The following CACNA1C variants were observed in gnomAD, a reference collection of about 807,000 sequenced individuals.
The protein encoded by CACNA1C is calcium voltage-gated channel subunit alpha1 C, also known as voltage-dependent L-type calcium channel subunit alpha-1C.
CACNA1C carries 30 observed loss-of-function variants against 229.0 expected under a neutral mutation model. The ratio of observed to expected loss-of-function variants is 0.13; its 90% CI spans 0.10 to 0.18. The LOEUF (loss-of-function observed/expected upper bound fraction) is 0.18, where lower values mean the gene tolerates loss of function less well. Among genes scored for constraint, CACNA1C ranks in the 10% least tolerant of loss-of-function variants. The probability of loss-of-function intolerance (pLI) is 1.00; values close to 1 mark genes in which losing one functional copy is unlikely to be tolerated. For synonymous variants in CACNA1C, 1,114 were observed against 1,132.5 expected (o/e 0.98, Z 0.33); for missense variants, 1,658 against 2,845.0 (o/e 0.58, Z 9.49).
chr12:1,981,629 T>C (rs1156757826), intron 1 of CACNA1C, among the ~76,000 whole-genome samples: 1 of 152,234 alleles, frequency 6.6e-6, no homozygotes, highest in East Asian at 1.9e-4. Flanking sequence ...GGAAGGGATA[T>C]AGCTTATTCG....
chr12:2,550,429 G>T, intron 10 of CACNA1C: 1 of 859,866 alleles, frequency 1.2e-6, no homozygotes, highest in Non-Finnish European at 1.6e-6. Context: ...GAGTCCTGCT[G>T]GCCACCCTTT....
chr12:2,085,787 C>T (rs1250006307), intron 1 of CACNA1C, among the ~76,000 whole-genome samples: 1 of 152,310 alleles, frequency 6.6e-6, no homozygotes, highest in South Asian at 2.1e-4. Context: ...GAGGCCTTTG[C>T]TAGCACCCTG....
At chr12:2,534,931 T>C (rs769370122) in intron 9 of CACNA1C, among the ~76,000 whole-genome samples, 1 of 152,250 alleles carries the variant, frequency 6.6e-6, no homozygotes, top group Non-Finnish European at 1.5e-5. Flanking sequence ...CAAAGAACTC[T>C]ATTATTGCCC....
Position 1,971,602 on chromosome 12 carries a change from T to C in CACNA1C, c.139+401T>C, listed in dbSNP as rs2032305599. On this transcript the variant is annotated intron_variant, in intron 1 of 46. Transcript: ENST00000682462. This position sits in a 1 kb window ranked among gnomAD's most constrained non-coding sequence, Gnocchi z 4.2. Reference sequence around the variant, plus strand: ...GATTATATTCAGTAGTGGTATTTTCTTTTTAAATTTCTTCAGTGGAAAAAC... The same window carrying C: ...GATTATATTCAGTAGTGGTATTTTCCTTTTAAATTTCTTCAGTGGAAAAAC... Among the ~76,000 whole-genome samples the C allele has an allele frequency of 6.6e-6, 1 of 152,244 alleles. No homozygotes were observed. Among genetic ancestry groups the C allele is most frequent in the African/African-American group, 2.4e-5 (1 of 41,462 alleles).
chr12:2,176,184 T>C (rs2154270803), intron 3 of CACNA1C, among the ~76,000 whole-genome samples: 1 of 152,064 alleles, frequency 6.6e-6, no homozygotes, highest in East Asian at 1.9e-4. Flanking sequence ...GGAGGTGACA[T>C]TTAAGCAAAC....
chr12:2,540,606 G>A (rs760465905), intron 9 of CACNA1C, among the ~76,000 whole-genome samples: 7 of 152,182 alleles, frequency 4.6e-5, no homozygotes, highest in Non-Finnish European at 8.8e-5. Context: ...GGGCACGGCA[G>A]TCCCAGGAGG....
Position 2,605,825 on chromosome 12 carries a change from T to C in CACNA1C, c.3156+39T>C, listed in dbSNP as rs757786059. ...TCCGTTGTGGTCCTCCTACCTCCCCTCCCATCAGCATTCCTGGGGAAGGGA... is the reference window on the plus strand; with the variant it reads ...TCCGTTGTGGTCCTCCTACCTCCCCCCCCATCAGCATTCCTGGGGAAGGGA... On this transcript the variant is annotated intron_variant, in intron 24 of 46. Coordinates refer to ENST00000399655, the MANE Select transcript of CACNA1C (RefSeq NM_000719.7). The surrounding 1 kb of genome is among the most constrained non-coding windows in gnomAD (Gnocchi z 6.2). The C allele has an allele frequency of 2.4e-5, 31 of 1,308,970 alleles. No individual in the cohort carries two copies. Among genetic ancestry groups the C allele is most frequent in the Non-Finnish European group, 3.3e-5 (30 of 901,836 alleles). 81.1% of individuals were successfully genotyped at this position (1,308,970 alleles called of 1,614,324 possible). A position where few individuals can be genotyped will look rare whatever the true frequency, so the allele number is the denominator to read the frequency against.
intron 3 of CACNA1C, among the ~76,000 whole-genome samples, chr12:2,375,446 G>A (rs1302555272): frequency 6.6e-6 from 1 of 152,202 alleles, no homozygotes; most frequent in African/African-American, 2.4e-5. Context: ...GTGGCACTGG[G>A]AGTACTCTTA....
At chr12:2,135,068 T>C (rs1353426591) in intron 3 of CACNA1C, among the ~76,000 whole-genome samples, 2 of 146,880 alleles carry the variant, frequency 1.4e-5, no homozygotes, top group African/African-American at 5.2e-5. Flanking sequence ...CATCTTCCAT[T>C]GCTGACACCC....
chr12:2,607,283 C>A, intron 26 of CACNA1C, 153 bp downstream of exon 26: 1 of 704,140 alleles, frequency 1.4e-6, no homozygotes, highest in Non-Finnish European at 2.3e-6. Context: ...ATTTCTAGAA[C>A]TTACAGTCCA....
At position 2,550,930 on chromosome 12, in the gene CACNA1C, C is replaced by G. The variant is rs1034934; in HGVS notation, c.1481+897C>G. On this transcript the variant is annotated intron_variant, in intron 10 of 46. Coordinates refer to ENST00000399655, the MANE Select transcript of CACNA1C (RefSeq NM_000719.7). ...AGCTTCAGTATCACTCACTCTGACA[C>G]TGGCACCAGGGAGTCTGCACTGCAG... Among the ~76,000 whole-genome samples the G allele has an allele frequency of 0.92, 140,075 of 152,328 alleles. 64,761 individuals carry two copies. The highest frequency in any genetic ancestry group is 0.97 in the Non-Finnish European group (65,659 of 68,034).
chr12:2,382,736 C>T (rs914403724), intron 3 of CACNA1C, among the ~76,000 whole-genome samples: 1 of 152,088 alleles, frequency 6.6e-6, no homozygotes, highest in African/African-American at 2.4e-5. Flanking sequence ...TGTATTTTGC[C>T]CTGGGCACCC....
intron 3 of CACNA1C, among the ~76,000 whole-genome samples, chr12:2,390,608 G>C (rs1389220102): frequency 6.6e-6 from 1 of 152,208 alleles, no homozygotes; most frequent in African/African-American, 2.4e-5. Context: ...GAAGAGGGAT[G>C]AGTTTGGAGG....
intron 13 of CACNA1C, among the ~76,000 whole-genome samples, chr12:2,577,852 A>G (rs1222036551): frequency 6.6e-6 from 1 of 151,036 alleles, no homozygotes; most frequent in Non-Finnish European, 1.5e-5. Flanking sequence ...GCAGACAATA[A>G]GCAAAGAAGT....
At chr12:2,059,656 T>A (rs912041009) in intron 1 of CACNA1C, among the ~76,000 whole-genome samples, 1 of 152,178 alleles carries the variant, frequency 6.6e-6, no homozygotes, top group African/African-American at 2.4e-5. Context: ...TTGTCAAACA[T>A]AGAATAAATG....
chr12:2,606,700 G>T lies in CACNA1C; in HGVS notation c.3209+37G>T, dbSNP rs375650456. 5 of 1,580,554 alleles carry T rather than the reference G, an allele frequency of 3.2e-6. No individual in the cohort carries two copies. In the East Asian group the frequency reaches 1.1e-4, roughly 36 times the overall value. ...TGGGAGGGCAGCCAGGGCCACGGCC[G>T]GTCAGCCCCAGGAGGCTGGAGGCTT... On this transcript the variant is annotated intron_variant, in intron 25 of 46. Transcript: ENST00000399655.
intron 3 of CACNA1C, among the ~76,000 whole-genome samples, chr12:2,248,452 T>C (rs1015297484): frequency 1.3e-5 from 2 of 152,236 alleles, no homozygotes; most frequent in Non-Finnish European, 2.9e-5. Context: ...TTTTCCAGTA[T>C]TTTTAGTTAG....
intron 3 of CACNA1C, among the ~76,000 whole-genome samples, chr12:2,164,631 AGG>A: frequency 6.6e-6 from 1 of 152,326 alleles, no homozygotes; most frequent in East Asian, 1.9e-4. Flanking sequence ...TCATAATATC[AGG>A]AAGGTCACAA....
At chr12:2,546,388 T>A (rs113072128) in intron 9 of CACNA1C, among the ~76,000 whole-genome samples, 7,022 of 113,320 alleles carry the variant, frequency 0.062, no homozygotes, top group African/African-American at 0.14. Context: ...CCTGTGCAGT[T>A]GCTGGTGTCT....
Sources: gnomAD v4.1 joint callset for allele counts (sites outside exome capture counted in the v4.1 genomes callset) on GRCh38, gnomAD v4.1.1 for gene constraint, Gnocchi (gnomAD v3.1) non-coding constraint, MANE v1.5 for transcripts, NCBI Gene and HGNC (gene_info 2026-07-23, HGNC 2026-07-21) for gene names.